The following UBE2D3 variants were observed in gnomAD, a reference collection of about 807,000 sequenced individuals.
The protein encoded by UBE2D3 is ubiquitin conjugating enzyme E2 D3, also known as ubiquitin-conjugating enzyme E2 D3.
In UBE2D3, 2 loss-of-function variants were observed where a neutral mutation model predicts 22.8. That is an observed-to-expected ratio of 0.09 (90% CI 0.04 to 0.28). The LOEUF is 0.28. UBE2D3 is among the 10% of genes least tolerant of loss of function. The pLI, the probability that UBE2D3 is intolerant of heterozygous loss-of-function variation, is 1.00. For synonymous variants in UBE2D3, 56 were observed against 60.4 expected, an observed-to-expected ratio of 0.93 and a Z score of 0.34; for missense variants, 27 against 182.5, an observed-to-expected ratio of 0.15 and a Z score of 4.91.
rs548200765 is a variant in UBE2D3, at chr4:102,838,488, T to G, written c.-128-11852A>C. On this transcript the variant is annotated intron_variant, in intron 1 of 7. Coordinates refer to the UBE2D3 transcript ENST00000338145. Reference sequence around the variant, plus strand: ...TTGTTAAACTTTACCAGCACACTTGTGATGACATGACCCTTCAAGTTGACT... The same window carrying G: ...TTGTTAAACTTTACCAGCACACTTGGGATGACATGACCCTTCAAGTTGACT... Among the ~76,000 whole-genome samples, 14 of 152,344 alleles carry G rather than the reference T, an allele frequency of 9.2e-5. No individual in the cohort carries two copies. The South Asian group carries it at 2.9e-3, about 32-fold the overall frequency.
chr4:102,828,685 A>T (rs1322516843), upstream of UBE2D3, among the ~76,000 whole-genome samples: 1 of 152,204 alleles, frequency 6.6e-6, no homozygotes, highest in Non-Finnish European at 1.5e-5. Flanking sequence ...GAGACTAATT[A>T]GTTAATTAGG....
chr4:102,821,136 A>G (rs992068447), intron 2 of UBE2D3, among the ~76,000 whole-genome samples: 5 of 152,198 alleles, frequency 3.3e-5, no homozygotes, highest in Non-Finnish European at 7.4e-5. Flanking sequence ...ATTATGAAAT[A>G]ACACTGCTAT....
At chr4:102,801,408 G>A (rs759852398) in intron 6 of UBE2D3, 46 bp downstream of exon 6, 6 of 1,493,008 alleles carry the variant, frequency 4.0e-6, no homozygotes, top group Admixed American at 1.8e-5. Context: ...TAAGAATGAA[G>A]CTTTATTAGA....
upstream of UBE2D3, among the ~76,000 whole-genome samples, chr4:102,831,637 A>G (rs1731121216): frequency 6.6e-6 from 1 of 152,216 alleles, no homozygotes; most frequent in South Asian, 2.1e-4. Flanking sequence ...CATTCTGTCA[A>G]GTGAAAGAGC....
At chr4:102,815,330 G>A (rs962298281) in intron 2 of UBE2D3, among the ~76,000 whole-genome samples, 1 of 152,024 alleles carries the variant, frequency 6.6e-6, no homozygotes, top group African/African-American at 2.4e-5. Flanking sequence ...GTGAGCCACC[G>A]TGCCTGGCCA....
At chr4:102,854,373 T>C (rs1363419150) in intron 1 of UBE2D3, among the ~76,000 whole-genome samples, 1 of 152,144 alleles carries the variant, frequency 6.6e-6, no homozygotes, top group African/African-American at 2.4e-5. Flanking sequence ...TTTTTACTGA[T>C]TTTCTGCCTG....
At chr4:102,813,933 T>C (rs189245024) in intron 2 of UBE2D3, among the ~76,000 whole-genome samples, 12 of 152,220 alleles carry the variant, frequency 7.9e-5, no homozygotes, top group East Asian at 3.9e-4. Flanking sequence ...ACAAGGAGAA[T>C]TGTCCTGATA....
intron 1 of UBE2D3, among the ~76,000 whole-genome samples, chr4:102,845,397 A>C (rs1322965634): frequency 6.6e-6 from 1 of 152,138 alleles, no homozygotes; most frequent in Non-Finnish European, 1.5e-5. Context: ...TTACTATTTA[A>C]TTAGTTTGGG....
intron 4 of UBE2D3, among the ~76,000 whole-genome samples, chr4:102,806,093 T>C (rs1219762941): frequency 6.6e-6 from 1 of 152,214 alleles, no homozygotes; most frequent in Non-Finnish European, 1.5e-5. Flanking sequence ...AAGTGGTCTT[T>C]TAAAAATGTT....
At chr4:102,855,059 T>C (rs1732560170) in intron 1 of UBE2D3, among the ~76,000 whole-genome samples, 1 of 152,204 alleles carries the variant, frequency 6.6e-6, no homozygotes, top group Non-Finnish European at 1.5e-5. Flanking sequence ...CCTCCACTCC[T>C]TCCCTGCTGC....
intron 1 of UBE2D3, among the ~76,000 whole-genome samples, chr4:102,856,721 A>C (rs1732636657): frequency 6.6e-6 from 1 of 152,174 alleles, no homozygotes; most frequent in Non-Finnish European, 1.5e-5. Flanking sequence ...TGTATAATCA[A>C]ATACATGTAA....
intron 4 of UBE2D3, chr4:102,809,277 C>A: frequency 4.1e-6 from 1 of 244,962 alleles, no homozygotes; most frequent in Non-Finnish European, 8.7e-6. Flanking sequence ...TACAATTAAG[C>A]TAGATTATTG....
chr4:102,846,601 A>C (rs1038231850), intron 1 of UBE2D3, among the ~76,000 whole-genome samples: 6 of 152,044 alleles, frequency 3.9e-5, no homozygotes, highest in Non-Finnish European at 8.8e-5. Context: ...CTATGTTGGG[A>C]TATAACTGGA....
chr4:102,808,036 G>A (rs1358515676), intron 4 of UBE2D3, among the ~76,000 whole-genome samples: 2 of 152,258 alleles, frequency 1.3e-5, no homozygotes, highest in East Asian at 1.9e-4. Flanking sequence ...TCAAAGATGA[G>A]CTTTATTTTA....
chr4:102,842,141 T>C (rs1292381418), intron 1 of UBE2D3, among the ~76,000 whole-genome samples: 1 of 152,090 alleles, frequency 6.6e-6, no homozygotes, highest in East Asian at 1.9e-4. Context: ...GTAATAGTTA[T>C]TACCGTAGAT....
At chr4:102,806,758 G>C (rs1467638256) in intron 4 of UBE2D3, among the ~76,000 whole-genome samples, 1 of 151,980 alleles carries the variant, frequency 6.6e-6, no homozygotes. Flanking sequence ...AAATATCAGA[G>C]GCAATAGGTA....
At chr4:102,809,172 G>A in intron 4 of UBE2D3, 1 of 332,608 alleles carries the variant, frequency 3.0e-6, no homozygotes, top group South Asian at 2.2e-5. Context: ...ACCCAGGATA[G>A]AAAGGAATTT....
intron 1 of UBE2D3, chr4:102,826,939 G>A (rs1470812067): frequency 2.0e-6 from 2 of 1,007,642 alleles, no homozygotes; most frequent in Admixed American, 5.9e-5. Context: ...GAGGAGCCGG[G>A]GCCTAGTCGG....
At chr4:102,820,131 G>A (rs984897153) in intron 2 of UBE2D3, among the ~76,000 whole-genome samples, 1 of 152,110 alleles carries the variant, frequency 6.6e-6, no homozygotes, top group Non-Finnish European at 1.5e-5. Flanking sequence ...ACAAAGGTGC[G>A]AACCAACAAT....
Sources: gnomAD v4.1 joint callset for allele counts (sites outside exome capture counted in the v4.1 genomes callset) on GRCh38, gnomAD v4.1.1 for gene constraint, MANE v1.5 for transcripts, NCBI Gene and HGNC (gene_info 2026-07-23, HGNC 2026-07-21) for gene names.